EML4: variants seen among roughly 807,000 people sequenced by gnomAD.
EML4 encodes EMAP like 4, also known as echinoderm microtubule-associated protein-like 4.
Under a neutral mutation model 129.0 loss-of-function variants are expected in EML4, and 72 were observed. The observed-to-expected ratio is 0.56, with a 90% CI of 0.46 to 0.68. The LOEUF (loss-of-function observed/expected upper bound fraction) is 0.68. EML4 is among the 30% of genes least tolerant of loss of function. The pLI is 0.00. For missense variants in EML4, 1,363 were observed against 1,190.6 expected, an observed-to-expected ratio of 1.14 and a Z score of -2.13; for synonymous variants, 532 against 405.0, an observed-to-expected ratio of 1.31 and a Z score of -3.77.
At chr2:42,201,682 A>G (rs1397203407) in intron 1 of EML4, among the ~76,000 whole-genome samples, 10 of 152,212 alleles carry the variant, frequency 6.6e-5, no homozygotes, top group Non-Finnish European at 1.5e-4. Context: ...CACAACATGG[A>G]TGAACCTAGA....
chr2:42,200,134 C>T (rs1432388645), intron 1 of EML4, among the ~76,000 whole-genome samples: 6 of 147,672 alleles, frequency 4.1e-5, no homozygotes, highest in African/African-American at 1.5e-4. Context: ...ATGGTGAAAC[C>T]CCATCTCTAC....
intron 1 of EML4, among the ~76,000 whole-genome samples, chr2:42,181,948 G>T (rs1378977423): frequency 6.6e-6 from 1 of 152,070 alleles, no homozygotes; most frequent in Non-Finnish European, 1.5e-5. Flanking sequence ...ATATGTGTGT[G>T]GCAATATATA....
intron 1 of EML4, among the ~76,000 whole-genome samples, chr2:42,182,869 C>A (rs1340756427): frequency 6.6e-6 from 1 of 152,078 alleles, no homozygotes; most frequent in Non-Finnish European, 1.5e-5. Context: ...TCTTCTGTGT[C>A]CTCATGTGGC....
chr2:42,221,974 G>T (rs1357612812), intron 1 of EML4, among the ~76,000 whole-genome samples: 2 of 152,098 alleles, frequency 1.3e-5, no homozygotes, highest in East Asian at 3.9e-4. Context: ...GGGCTCAAGC[G>T]ATTTGCCTGC....
At chr2:42,317,318 C>A in intron 18 of EML4, 109 bp from the exon 19 acceptor site, 1 of 713,048 alleles carries the variant, frequency 1.4e-6, no homozygotes, top group South Asian at 1.9e-5. Context: ...CATTAATTGC[C>A]AAATAGTTAA....
chr2:42,286,918 A>G (rs572169132), intron 10 of EML4, among the ~76,000 whole-genome samples: 1 of 152,326 alleles, frequency 6.6e-6, no homozygotes, highest in South Asian at 2.1e-4. Context: ...AGTCCTTTCT[A>G]AGTGTTGAGG....
intron 17 of EML4, among the ~76,000 whole-genome samples, chr2:42,305,465 G>C (rs1467403284): frequency 6.6e-6 from 1 of 152,176 alleles, no homozygotes; most frequent in Admixed American, 6.6e-5. Flanking sequence ...GGAAGGATTT[G>C]AAGCTGATGT....
intron 13 of EML4, among the ~76,000 whole-genome samples, chr2:42,297,504 G>A (rs780940622): frequency 4.6e-5 from 7 of 152,108 alleles, no homozygotes; most frequent in Non-Finnish European, 8.8e-5. Context: ...TAAATTGCTG[G>A]GCACATGAAA....
intron 19 of EML4, among the ~76,000 whole-genome samples, chr2:42,322,857 G>C (rs2103816182): frequency 6.6e-6 from 1 of 152,168 alleles, no homozygotes; most frequent in South Asian, 2.1e-4. Flanking sequence ...TCTTTTCTTT[G>C]CTTATTTATT....
intron 6 of EML4, among the ~76,000 whole-genome samples, chr2:42,267,540 A>G (rs1475966010): frequency 6.6e-6 from 1 of 152,218 alleles, no homozygotes; most frequent in East Asian, 1.9e-4. Context: ...TGGTACATTT[A>G]GGTGAGTGGT....
Position 42,169,421 on chromosome 2 carries a change from A to C in EML4, c.-191A>C. 6.0e-6 allele frequency: 3 copies of C among 499,522 alleles called. No individual in the cohort carries two copies. In the South Asian group the frequency reaches 8.1e-5, roughly 14 times the overall value. The allele number at this position is 499,522 out of a possible 1,614,324, so 30.9% of individuals were successfully genotyped here. On this transcript the variant is annotated 5_prime_UTR_variant, in exon 1 of 23. Coordinates refer to ENST00000318522, the MANE Select transcript of EML4 (RefSeq NM_019063.5). ...GCTGAGCGGCGCGGCTCTCAACGTG[A>C]CGGGGAAGTGGTTCGGGCGGCCGCG...
chr2:42,216,915 G>A (rs1162633806), intron 1 of EML4, among the ~76,000 whole-genome samples: 4 of 152,176 alleles, frequency 2.6e-5, no homozygotes, highest in Non-Finnish European at 5.9e-5. Flanking sequence ...TGAAATGGCA[G>A]AGAAACAAAG....
chr2:42,222,750 C>G (rs1405524688), intron 1 of EML4, among the ~76,000 whole-genome samples: 1 of 152,030 alleles, frequency 6.6e-6, no homozygotes, highest in African/African-American at 2.4e-5. Flanking sequence ...CATGCATAGC[C>G]CTCCACATTG....
chr2:42,292,333 G>A lies in EML4; in HGVS notation c.1219-2792G>A, dbSNP rs151051143. ...TGTGTTTGCTAGAAGGCAAATAGCA[G>A]TGCTGTTTATGGTAGCCAAAAACAT... On this transcript the variant is annotated intron_variant, in intron 11 of 22. Coordinates refer to ENST00000318522, the MANE Select transcript of EML4 (RefSeq NM_019063.5). 2.0e-4 allele frequency among the ~76,000 whole-genome samples: 30 copies of A among 152,334 alleles called. 1 individual carries two copies. In the East Asian group the frequency reaches 4.6e-3, roughly 23 times the overall value.
intron 1 of EML4, among the ~76,000 whole-genome samples, chr2:42,190,212 T>C (rs560190261): frequency 6.6e-6 from 1 of 152,340 alleles, no homozygotes; most frequent in Non-Finnish European, 1.5e-5. Flanking sequence ...ATATTCTCTT[T>C]TGTTGCCAGA....
chr2:42,278,647 A>G (rs191218361), intron 6 of EML4, among the ~76,000 whole-genome samples: 12 of 151,678 alleles, frequency 7.9e-5, no homozygotes, highest in African/African-American at 2.9e-4. Flanking sequence ...AAGATGTGTA[A>G]TATTGCCCAG....
intron 1 of EML4, among the ~76,000 whole-genome samples, chr2:42,200,153 C>CAAA (rs11421705): frequency 2.4e-4 from 20 of 84,434 alleles, no homozygotes; most frequent in South Asian, 9.2e-4. Flanking sequence ...ACTAAAAATA[C>CAAA]AAAAAAAAAA....
At chr2:42,213,904 T>G (rs970938334) in intron 1 of EML4, among the ~76,000 whole-genome samples, 5 of 152,352 alleles carry the variant, frequency 3.3e-5, no homozygotes, top group African/African-American at 1.2e-4. Context: ...TTTTATGCAG[T>G]TATAATTTGT....
intron 6 of EML4, among the ~76,000 whole-genome samples, chr2:42,274,712 A>G (rs181816707): frequency 1.5e-3 from 224 of 152,332 alleles, no homozygotes; most frequent in African/African-American, 5.2e-3. Flanking sequence ...TCCCAAAAGA[A>G]TGAGAGTTTT....
Sources: gnomAD v4.1 joint callset for allele counts (sites outside exome capture counted in the v4.1 genomes callset) on GRCh38, gnomAD v4.1.1 for gene constraint, MANE v1.5 for transcripts, NCBI Gene and HGNC (gene_info 2026-07-23, HGNC 2026-07-21) for gene names.